The following SOX6 variants were observed in gnomAD, a reference collection of about 807,000 sequenced individuals.
The protein encoded by SOX6 is transcription factor SOX-6.
SOX6 carries 11 observed loss-of-function variants against 97.8 expected under a neutral mutation model. The ratio of observed to expected loss-of-function variants is 0.11; its 90% CI spans 0.07 to 0.19. The LOEUF (loss-of-function observed/expected upper bound fraction) is 0.19, where lower values mean the gene tolerates loss of function less well. SOX6 is among the 10% of genes least tolerant of loss of function. The pLI, the probability that SOX6 is intolerant of heterozygous loss-of-function variation, is 1.00. For missense variants in SOX6, 810 were observed against 1,039.5 expected, an observed-to-expected ratio of 0.78 and a Z score of 3.04; for synonymous variants, 360 against 371.4, an observed-to-expected ratio of 0.97 and a Z score of 0.35.
At chr11:16,685,873 G>A (rs1262916530) in intron 3 of SOX6, among the ~76,000 whole-genome samples, 1 of 152,272 alleles carries the variant, frequency 6.6e-6, no homozygotes, top group Non-Finnish European at 1.5e-5. Flanking sequence ...CTGAAATCTT[G>A]GTGGAGGCTG....
chr11:16,714,061 C>G (rs1314824553), intron 3 of SOX6, among the ~76,000 whole-genome samples: 1 of 152,130 alleles, frequency 6.6e-6, no homozygotes, highest in Non-Finnish European at 1.5e-5. Flanking sequence ...TAACTCCTTC[C>G]TCATATTCCA....
chr11:16,504,968 C>G (rs1860762996), intron 4 of SOX6, among the ~76,000 whole-genome samples: 1 of 152,148 alleles, frequency 6.6e-6, no homozygotes, highest in Non-Finnish European at 1.5e-5. Flanking sequence ...ATCTTTATTA[C>G]CCAGTTTCAG....
chr11:16,014,960 G>T lies in SOX6; in HGVS notation c.1714C>A (p.Arg572=). The T allele has an allele frequency of 6.2e-7, 1 of 1,612,836 alleles. No homozygotes were observed. Among genetic ancestry groups the T allele is most frequent in the Non-Finnish European group, 8.5e-7 (1 of 1,179,246 alleles). Residue 572 remains arginine, a synonymous_variant, in exon 13 of 16, where the codon CGG becomes AGG. Transcript: ENST00000683767. The stretch of plus-strand genomic sequence containing the variant: ...CACTCACCCTCTGCATCTTCTGGCC[G>T]AGTAAGGTCGATGACACCTGGGCCC... The part of the protein sequence containing the change: ...KLGPGVIDLT[R]PEDAEGSKAM...
intron 4 of SOX6, among the ~76,000 whole-genome samples, chr11:16,221,494 T>A (rs1852536111): frequency 6.6e-6 from 1 of 152,136 alleles, no homozygotes; most frequent in Admixed American, 6.6e-5. Flanking sequence ...CCACTTGTGC[T>A]TTTATTGGCA....
intron 3 of SOX6, among the ~76,000 whole-genome samples, chr11:16,628,431 C>G (rs1023143309): frequency 1.3e-5 from 2 of 151,990 alleles, no homozygotes; most frequent in Non-Finnish European, 2.9e-5. Flanking sequence ...GGAGACCAGC[C>G]TGGCCAATAT....
At chr11:16,225,991 T>C (rs1465140414) in intron 4 of SOX6, among the ~76,000 whole-genome samples, 1 of 152,188 alleles carries the variant, frequency 6.6e-6, no homozygotes, top group Non-Finnish European at 1.5e-5. Flanking sequence ...GCTTCCAGTC[T>C]TTAACAGTGA....
intron 4 of SOX6, among the ~76,000 whole-genome samples, chr11:16,581,871 G>T (rs1205030921): frequency 6.7e-6 from 1 of 150,012 alleles, no homozygotes; most frequent in Admixed American, 6.7e-5. Context: ...CTGAGGCAGA[G>T]AATTGCTTAA....
At chr11:16,214,761 T>C (rs1243103504) in intron 4 of SOX6, among the ~76,000 whole-genome samples, 4 of 150,962 alleles carry the variant, frequency 2.6e-5, no homozygotes, top group Non-Finnish European at 5.9e-5. Context: ...TTTTTTTTTT[T>C]TTTTTTGAGA....
chr11:16,632,800 G>A (rs189142932), intron 3 of SOX6, among the ~76,000 whole-genome samples: 55 of 152,316 alleles, frequency 3.6e-4, no homozygotes, highest in Non-Finnish European at 6.8e-4. Flanking sequence ...CTGCCTAGGC[G>A]TGGAGTGGAG....
At chr11:16,170,152 C>G (rs1432769690) in intron 6 of SOX6, among the ~76,000 whole-genome samples, 2 of 151,980 alleles carry the variant, frequency 1.3e-5, no homozygotes, top group Non-Finnish European at 2.9e-5. Context: ...GAGACACATG[C>G]CTGTCAAGAC....
At chr11:16,287,788 C>A (rs917978795) in intron 3 of SOX6, among the ~76,000 whole-genome samples, 3 of 152,062 alleles carry the variant, frequency 2.0e-5, no homozygotes, top group Non-Finnish European at 4.4e-5. Flanking sequence ...ATTTATACAA[C>A]AAAGTCAAGC....
At chr11:16,567,593 G>C (rs1361329841) in intron 4 of SOX6, among the ~76,000 whole-genome samples, 1 of 129,374 alleles carries the variant, frequency 7.7e-6, no homozygotes, top group Non-Finnish European at 1.6e-5. Flanking sequence ...TTTTGAGACG[G>C]AGTCTCGCTC....
chr11:16,662,600 A>G (rs940530072), intron 3 of SOX6, among the ~76,000 whole-genome samples: 8 of 152,252 alleles, frequency 5.3e-5, no homozygotes, highest in Middle Eastern at 3.2e-3. Context: ...TCAAAAATCA[A>G]TGATACCATA....
intron 1 of SOX6, among the ~76,000 whole-genome samples, chr11:16,377,359 A>G (rs1376735734): frequency 6.6e-6 from 1 of 152,148 alleles, no homozygotes; most frequent in Admixed American, 6.6e-5. Context: ...AAATTAATAA[A>G]TATGAATTTT....
chr11:16,497,103 C>T (rs972989694), intron 4 of SOX6, among the ~76,000 whole-genome samples: 4 of 152,190 alleles, frequency 2.6e-5, no homozygotes, highest in Non-Finnish European at 5.9e-5. Context: ...CGGCTGGGTA[C>T]TCCTCTGAGA....
intron 3 of SOX6, among the ~76,000 whole-genome samples, chr11:16,677,308 G>T (rs780601053): frequency 1.3e-5 from 2 of 152,046 alleles, no homozygotes; most frequent in African/African-American, 4.8e-5. Context: ...GGGAAATGAG[G>T]AAAACCTGAG....
At chr11:16,074,619 A>T (rs534518932) in intron 9 of SOX6, among the ~76,000 whole-genome samples, 29 of 152,202 alleles carry the variant, frequency 1.9e-4, no homozygotes, top group Non-Finnish European at 3.4e-4. Flanking sequence ...CAATAGCCAC[A>T]AAATGAATTA....
chr11:16,696,986 T>C (rs576564809), intron 3 of SOX6, among the ~76,000 whole-genome samples: 31 of 152,192 alleles, frequency 2.0e-4, no homozygotes, highest in Non-Finnish European at 4.0e-4. Flanking sequence ...AAATCCTTCA[T>C]TGTTATTTCA....
chr11:16,728,724 G>A (rs1021557954), intron 2 of SOX6, among the ~76,000 whole-genome samples: 6 of 152,204 alleles, frequency 3.9e-5, no homozygotes, highest in African/African-American at 1.4e-4. Flanking sequence ...CCTGGATGGA[G>A]AATGAGTTTG....
Sources: gnomAD v4.1 joint callset for allele counts (sites outside exome capture counted in the v4.1 genomes callset) on GRCh38, gnomAD v4.1.1 for gene constraint, MANE v1.5 for transcripts, NCBI Gene and HGNC (gene_info 2026-07-23, HGNC 2026-07-21) for gene names.